Variants in PANK1 observed in about 807,000 individuals in gnomAD.
The protein encoded by PANK1 is pantothenic acid kinase 1.
In PANK1, 18 loss-of-function variants were observed where a neutral mutation model predicts 40.1. The ratio of observed to expected loss-of-function variants is 0.45; its 90% CI spans 0.31 to 0.67. The LOEUF (loss-of-function observed/expected upper bound fraction) is 0.67. PANK1 is among the 30% of genes least tolerant of loss of function. The pLI, the probability that PANK1 is intolerant of heterozygous loss-of-function variation, is 0.06. For synonymous variants in PANK1, 242 were observed against 237.7 expected (o/e 1.02, Z -0.17); for missense variants, 457 against 599.6 (o/e 0.76, Z 2.48).
At chr10:89,619,014 C>A (rs1845403682) in intron 1 of PANK1, among the ~76,000 whole-genome samples, 1 of 152,158 alleles carries the variant, frequency 6.6e-6, no homozygotes, top group South Asian at 2.1e-4. Flanking sequence ...GTTTTTAAAG[C>A]TGGAAAAATT....
chr10:89,624,611 CT>C (rs1845602539), intron 1 of PANK1, among the ~76,000 whole-genome samples: 1 of 152,162 alleles, frequency 6.6e-6, no homozygotes, highest in Non-Finnish European at 1.5e-5. Context: ...TTAAATTTTA[CT>C]ATTTAGTGCA....
chr10:89,585,773 T>C (rs1844180147), intron 6 of PANK1, among the ~76,000 whole-genome samples: 1 of 152,214 alleles, frequency 6.6e-6, no homozygotes, highest in Non-Finnish European at 1.5e-5. Context: ...AGAAATTTAG[T>C]GAGGACTCCT....
At chr10:89,636,108 G>A (rs1173029890) in intron 1 of PANK1, among the ~76,000 whole-genome samples, 1 of 152,078 alleles carries the variant, frequency 6.6e-6, no homozygotes. Flanking sequence ...CTAGAGTTCT[G>A]GGGTGTTGGT....
intron 2 of PANK1, among the ~76,000 whole-genome samples, chr10:89,608,159 G>A (rs941264049): frequency 2.0e-5 from 3 of 151,648 alleles, no homozygotes; most frequent in Admixed American, 6.6e-5. Flanking sequence ...AGCCTCCCAA[G>A]CAGCTGGGAC....
intron 1 of PANK1, among the ~76,000 whole-genome samples, chr10:89,630,054 C>T (rs1048139998): frequency 5.3e-5 from 8 of 152,274 alleles, no homozygotes; most frequent in African/African-American, 1.9e-4. Flanking sequence ...TGTAACTGAC[C>T]TAAGCCAGGG....
At chr10:89,601,347 G>T (rs1353128063) in intron 2 of PANK1, among the ~76,000 whole-genome samples, 2 of 150,848 alleles carry the variant, frequency 1.3e-5, no homozygotes, top group South Asian at 2.1e-4. Flanking sequence ...CCTGGTGTGG[G>T]GTACATGCTG....
At chr10:89,615,570 A>C (rs1845292392) in intron 1 of PANK1, among the ~76,000 whole-genome samples, 1 of 152,170 alleles carries the variant, frequency 6.6e-6, no homozygotes, top group Non-Finnish European at 1.5e-5. Flanking sequence ...AAGGTAGGAG[A>C]GATAAGAATT....
chr10:89,596,812 A>C (rs1844623452), intron 3 of PANK1, among the ~76,000 whole-genome samples: 1 of 152,262 alleles, frequency 6.6e-6, no homozygotes, highest in South Asian at 2.1e-4. Flanking sequence ...AACAGATTCC[A>C]AAATAATGAG....
intron 1 of PANK1, among the ~76,000 whole-genome samples, chr10:89,624,993 G>A (rs1283573951): frequency 6.6e-6 from 1 of 152,102 alleles, no homozygotes; most frequent in Non-Finnish European, 1.5e-5. Context: ...CAACTTCCCA[G>A]GCTCAAGTGA....
At chr10:89,629,756 C>G (rs899358289) in intron 1 of PANK1, among the ~76,000 whole-genome samples, 2 of 152,176 alleles carry the variant, frequency 1.3e-5, no homozygotes, top group Non-Finnish European at 2.9e-5. Flanking sequence ...TTGGATTACA[C>G]AATTTGAAGA....
chr10:89,623,290 C>T (rs978741464), intron 1 of PANK1, among the ~76,000 whole-genome samples: 1 of 152,096 alleles, frequency 6.6e-6, no homozygotes, highest in African/African-American at 2.4e-5. Flanking sequence ...GGCGCAATCT[C>T]GGCTCACTGC....
intron 1 of PANK1, among the ~76,000 whole-genome samples, chr10:89,622,403 G>A (rs1270962879): frequency 6.6e-6 from 1 of 152,186 alleles, no homozygotes; most frequent in Non-Finnish European, 1.5e-5. Context: ...CACTGGGAAT[G>A]TAAACTGGTA....
chr10:89,608,030 C>CTTT (rs33976210), intron 2 of PANK1, among the ~76,000 whole-genome samples: 1 of 111,016 alleles, frequency 9.0e-6, no homozygotes, highest in African/African-American at 2.9e-5. Context: ...TGATCCTAAA[C>CTTT]TTTTTTTTTT....
chr10:89,617,342 T>A (rs903288070), intron 1 of PANK1, among the ~76,000 whole-genome samples: 1 of 152,216 alleles, frequency 6.6e-6, no homozygotes, highest in Non-Finnish European at 1.5e-5. Context: ...TCATGTATGA[T>A]AACTTGGAAG....
At chr10:89,620,926 C>G (rs562113576) in intron 1 of PANK1, among the ~76,000 whole-genome samples, 1 of 152,266 alleles carries the variant, frequency 6.6e-6, no homozygotes, top group East Asian at 1.9e-4. Context: ...GCTGGTTTCC[C>G]CGATACACTT....
At chr10:89,582,049 G>A (rs1329969193), downstream of PANK1, 5 of 152,158 alleles carry the variant, frequency 3.3e-5, no homozygotes, top group Non-Finnish European at 7.3e-5. Flanking sequence ...TATCATTAAT[G>A]AAGCATTTAC....
intron 2 of PANK1, among the ~76,000 whole-genome samples, chr10:89,604,927 T>A (rs1201722884): frequency 1.3e-5 from 2 of 151,624 alleles, no homozygotes; most frequent in East Asian, 3.9e-4. Context: ...TTTTTTTGTA[T>A]TTTTTAGTAG....
chr10:89,593,414 G>T, intron 4 of PANK1, 94 bp from the exon 5 acceptor site: 1 of 1,396,442 alleles, frequency 7.2e-7, no homozygotes, highest in East Asian at 2.4e-5. Flanking sequence ...ACGAGTAACT[G>T]TTCAAACTCA....
Position 89,615,153 on chromosome 10 carries a change from TA to T in PANK1, c.293-3106del, listed in dbSNP as rs796336357. ...TAGAGCTTTCAGTAAAAGCAGATAA[TA>T]AAAAAATAAGAATTACATAATAATG... is the stretch of plus-strand genomic sequence containing the variant. On this transcript the variant is annotated intron_variant, in intron 1 of 6. Coordinates refer to ENST00000307534, the MANE Select transcript of PANK1 (RefSeq NM_148977.3). 2.6e-5 allele frequency among the ~76,000 whole-genome samples: 4 copies of T among 151,888 alleles called. No individual in the cohort carries two copies. The East Asian group carries it at 5.8e-4, about 22-fold the overall frequency.
Sources: allele counts gnomAD v4.1 joint callset (sites outside exome capture counted in the v4.1 genomes callset), GRCh38; gene constraint gnomAD v4.1.1; transcripts MANE v1.5; gene names NCBI Gene and HGNC (gene_info 2026-07-23, HGNC 2026-07-21).